The following VAMP7 variants were observed in gnomAD, a reference collection of about 807,000 sequenced individuals.
The protein encoded by VAMP7 is vesicle-associated membrane protein 7.
Under a neutral mutation model 29.6 loss-of-function variants are expected in VAMP7, and 14 were observed. The observed-to-expected ratio is 0.47, with a 90% CI of 0.31 to 0.74. VAMP7 has a LOEUF of 0.74. VAMP7 is among the 30% of genes least tolerant of loss of function. The pLI is 0.05. For missense variants in VAMP7, 223 were observed against 262.4 expected, an observed-to-expected ratio of 0.85 and a Z score of 1.04; for synonymous variants, 95 against 88.1, an observed-to-expected ratio of 1.08 and a Z score of -0.44.
chrX:155,908,385 C>T (rs1384987581), intron 5 of VAMP7, among the ~76,000 whole-genome samples: 15 of 152,306 alleles, frequency 9.8e-5, no homozygotes, highest in Middle Eastern at 6.8e-3. Context: ...AGCGAAACCC[C>T]GTCTCCACCA....
At chrX:155,897,322 C>T (rs2066000617) in intron 3 of VAMP7, among the ~76,000 whole-genome samples, 4 of 152,060 alleles carry the variant, frequency 2.6e-5, no homozygotes, top group Admixed American at 1.3e-4. Flanking sequence ...TTAGACTAAG[C>T]ATCTTGGGTG....
chrX:155,918,038 T>G (rs1179188650), intron 5 of VAMP7, among the ~76,000 whole-genome samples: 1 of 152,150 alleles, frequency 6.6e-6, no homozygotes, highest in Admixed American at 6.5e-5. Flanking sequence ...GCAGTCTGGC[T>G]ACAGGGACTT....
rs1310070017 is a variant in VAMP7 at position 155,943,343 on chromosome X, G to T, written c.*1392G>T. 6.6e-6 allele frequency: 1 copy of T among 152,000 alleles called. No homozygotes were observed. The highest frequency in any genetic ancestry group is 1.5e-5 in the Non-Finnish European group (1 of 67,926). The allele number at this position is 152,000 out of a possible 1,614,324, so 9.4% of individuals were successfully genotyped here. On this transcript the variant is annotated 3_prime_UTR_variant, in exon 8 of 8. Transcript: ENST00000286448. ...TATGTGTCCCATAATCTGGCTCATG[G>T]TACCTGTTCTTCTATCCAAACCTTT...
chrX:155,889,529 T>C lies in VAMP7; in HGVS notation c.63T>C (p.Cys21=). 6.2e-7 allele frequency: 1 copy of C among 1,613,958 alleles called. No homozygotes were observed. The highest frequency in any genetic ancestry group is 8.5e-7 in the Non-Finnish European group (1 of 1,179,860). The part of the protein sequence containing the change: ...GTTILAKHAW[C]GGNFLEVTEQ... ...CTATCCTTGCCAAACATGCTTGGTG[T>C]GGAGGAAACTTCCTGGAGGTGACAG... The change falls in exon 2 of 8, where the codon TGT becomes TGC. Residue 21 remains cysteine, a synonymous_variant. Coordinates refer to ENST00000286448, the MANE Select transcript of VAMP7 (RefSeq NM_005638.6).
chrX:155,899,453 G>A (rs1289556301), intron 4 of VAMP7, among the ~76,000 whole-genome samples: 1 of 151,692 alleles, frequency 6.6e-6, no homozygotes, highest in Non-Finnish European at 1.5e-5. Context: ...TGATTTTGTT[G>A]TGAGTTTAAA....
At chrX:155,907,333 C>T (rs1246638293) in intron 5 of VAMP7, among the ~76,000 whole-genome samples, 4 of 151,642 alleles carry the variant, frequency 2.6e-5, no homozygotes. Context: ...GGGGATTTGG[C>T]AGGGTCATGG....
chrX:155,916,323 TG>T (rs2066312722), intron 5 of VAMP7, among the ~76,000 whole-genome samples: 1 of 152,198 alleles, frequency 6.6e-6, no homozygotes, highest in Admixed American at 6.5e-5. Flanking sequence ...TGCCAGTCTG[TG>T]TCTTTTATTT....
chrX:155,931,660 G>T (rs1194742003), intron 6 of VAMP7, among the ~76,000 whole-genome samples: 1 of 152,098 alleles, frequency 6.6e-6, no homozygotes, highest in East Asian at 1.9e-4. Flanking sequence ...CACTCTGTAG[G>T]TTGCCTGTTC....
intron 6 of VAMP7, among the ~76,000 whole-genome samples, chrX:155,935,056 C>T (rs1377731430): frequency 6.6e-6 from 1 of 152,194 alleles, no homozygotes; most frequent in Non-Finnish European, 1.5e-5. Flanking sequence ...TGTAGAGTTT[C>T]TGCCGAGAGA....
At chrX:155,885,094 A>G (rs1425732122) in intron 1 of VAMP7, among the ~76,000 whole-genome samples, 1 of 152,208 alleles carries the variant, frequency 6.6e-6, no homozygotes, top group African/African-American at 2.4e-5. Context: ...CCTTCCCCAC[A>G]ATTTACAATA....
intron 5 of VAMP7, among the ~76,000 whole-genome samples, chrX:155,914,899 CTCT>C (rs1468788528): frequency 2.0e-5 from 3 of 152,244 alleles, no homozygotes; most frequent in East Asian, 3.9e-4. Context: ...GGAGGAGTCC[CTCT>C]TCTTCTGTTG....
At chrX:155,932,419 T>C (rs1038764093) in intron 6 of VAMP7, among the ~76,000 whole-genome samples, 1 of 152,216 alleles carries the variant, frequency 6.6e-6, no homozygotes, top group Non-Finnish European at 1.5e-5. Flanking sequence ...GAAGAGGTCC[T>C]TCACATCCCT....
intron 2 of VAMP7, among the ~76,000 whole-genome samples, chrX:155,892,701 A>G (rs1050907646): frequency 1.3e-5 from 2 of 151,922 alleles, no homozygotes; most frequent in African/African-American, 4.8e-5. Context: ...ATGTGTCTAC[A>G]TAGCATCTAG....
chrX:155,916,203 G>A (rs1341475934), intron 5 of VAMP7, among the ~76,000 whole-genome samples: 1 of 151,952 alleles, frequency 6.6e-6, no homozygotes, highest in Non-Finnish European at 1.5e-5. Context: ...CTTTCCATTT[G>A]CTTAGTAAAT....
intron 5 of VAMP7, among the ~76,000 whole-genome samples, chrX:155,913,979 C>T (rs1388500050): frequency 2.0e-5 from 3 of 152,072 alleles, no homozygotes; most frequent in East Asian, 3.9e-4. Flanking sequence ...TGGCCATATT[C>T]TTCCTATCCA....
intron 6 of VAMP7, among the ~76,000 whole-genome samples, chrX:155,928,859 A>G (rs1450146716): frequency 6.6e-6 from 1 of 152,194 alleles, no homozygotes; most frequent in Admixed American, 6.5e-5. Flanking sequence ...AACCTGTTGA[A>G]TCACACAGCT....
At chrX:155,901,372 C>A (rs930048056) in intron 5 of VAMP7, among the ~76,000 whole-genome samples, 1 of 151,642 alleles carries the variant, frequency 6.6e-6, no homozygotes, top group African/African-American at 2.4e-5. Flanking sequence ...TTTTTTGTCA[C>A]CAAATGTATT....
At chrX:155,915,509 A>C (rs1232389889) in intron 5 of VAMP7, among the ~76,000 whole-genome samples, 3 of 152,152 alleles carry the variant, frequency 2.0e-5, no homozygotes, top group Non-Finnish European at 4.4e-5. Flanking sequence ...TTAGTGCTAT[A>C]AATTTCCCTC....
chrX:155,910,143 G>T (rs894033283), intron 5 of VAMP7, among the ~76,000 whole-genome samples: 1 of 152,076 alleles, frequency 6.6e-6, no homozygotes, highest in African/African-American at 2.4e-5. Flanking sequence ...TATCTATTGT[G>T]CTATTGTCTA....
Sources: gnomAD v4.1 joint callset for allele counts (sites outside exome capture counted in the v4.1 genomes callset) on GRCh38, gnomAD v4.1.1 for gene constraint, MANE v1.5 for transcripts, NCBI Gene and HGNC (gene_info 2026-07-23, HGNC 2026-07-21) for gene names.